The following LRP1B variants were observed in gnomAD, a reference collection of about 807,000 sequenced individuals.
The protein encoded by LRP1B is low-density lipoprotein receptor-related protein 1B.
Under a neutral mutation model 556.6 loss-of-function variants are expected in LRP1B, and 217 were observed. The observed-to-expected ratio is 0.39, with a 90% confidence interval of 0.35 to 0.44. LRP1B has a LOEUF of 0.44. LRP1B is among the 20% of genes least tolerant of loss of function. The pLI is 1.00. For missense variants in LRP1B, 5,053 were observed against 5,620.8 expected, an observed-to-expected ratio of 0.90 and a Z score of 3.23; for synonymous variants, 2,047 against 1,865.8, an observed-to-expected ratio of 1.10 and a Z score of -2.50.
chr2:140,945,582 A>G lies in LRP1B; in HGVS notation c.3136+4653T>C, dbSNP rs537602834. 6.6e-5 allele frequency among the ~76,000 whole-genome samples: 10 copies of G among 152,294 alleles called. No homozygotes were observed. In the South Asian group the frequency reaches 2.1e-3, roughly 32 times the overall value. ...CACCTACAGCTGACTGATCTTCAACAAAGTCAACAAAAATAAGCAATGAGG... is the reference window on the plus strand; with the variant it reads ...CACCTACAGCTGACTGATCTTCAACGAAGTCAACAAAAATAAGCAATGAGG... On this transcript the variant is annotated intron_variant, in intron 20 of 90. Transcript: ENST00000389484.
At chr2:142,026,110 TA>T (rs905016991) in intron 1 of LRP1B, among the ~76,000 whole-genome samples, 4 of 151,986 alleles carry the variant, frequency 2.6e-5, no homozygotes, top group South Asian at 2.1e-4. Context: ...AAATCCTGTC[TA>T]AAAAAAACCC....
chr2:140,330,602 C>A (rs1680756849), intron 79 of LRP1B, among the ~76,000 whole-genome samples: 1 of 152,002 alleles, frequency 6.6e-6, no homozygotes, highest in Non-Finnish European at 1.5e-5. Flanking sequence ...AAATGTAAAA[C>A]CCAAATCTAT....
intron 1 of LRP1B, among the ~76,000 whole-genome samples, chr2:141,974,075 A>C (rs1000180835): frequency 6.6e-6 from 1 of 152,004 alleles, no homozygotes; most frequent in Non-Finnish European, 1.5e-5. Context: ...TTGAGAGCCC[A>C]TCCCATAGAC....
chr2:141,525,082 G>A (rs1684652195), intron 2 of LRP1B, among the ~76,000 whole-genome samples: 1 of 151,874 alleles, frequency 6.6e-6, no homozygotes, highest in Non-Finnish European at 1.5e-5. Context: ...TACATTGCAT[G>A]TTTAAGTGTT....
At chr2:141,951,331 A>G (rs1701100212) in intron 1 of LRP1B, among the ~76,000 whole-genome samples, 2 of 152,050 alleles carry the variant, frequency 1.3e-5, no homozygotes, top group Admixed American at 6.6e-5. Flanking sequence ...TATCCCTCAC[A>G]TTCCTCCCAA....
At chr2:142,064,522 C>T (rs1159929377) in intron 1 of LRP1B, among the ~76,000 whole-genome samples, 2 of 151,424 alleles carry the variant, frequency 1.3e-5, no homozygotes, top group Non-Finnish European at 3.0e-5. Context: ...TCCAGCACTG[C>T]CAGGAAAAGG....
At chr2:140,782,366 T>C (rs2104965362) in intron 32 of LRP1B, among the ~76,000 whole-genome samples, 1 of 152,308 alleles carries the variant, frequency 6.6e-6, no homozygotes, top group Non-Finnish European at 1.5e-5. Context: ...GGACGGATCT[T>C]AATCCAGTGT....
intron 2 of LRP1B, among the ~76,000 whole-genome samples, chr2:141,539,595 G>A (rs1685182410): frequency 6.6e-6 from 1 of 152,090 alleles, no homozygotes; most frequent in African/African-American, 2.4e-5. Flanking sequence ...ATTCAAGGAT[G>A]TACAACAGTT....
intron 3 of LRP1B, among the ~76,000 whole-genome samples, chr2:141,332,590 C>T (rs1427373905): frequency 1.3e-5 from 2 of 151,920 alleles, no homozygotes; most frequent in Non-Finnish European, 2.9e-5. Flanking sequence ...AATGTTCTCA[C>T]TGTTCTGGGT....
chr2:141,837,189 T>C (rs1009592768), intron 1 of LRP1B, among the ~76,000 whole-genome samples: 3 of 151,962 alleles, frequency 2.0e-5, no homozygotes, highest in African/African-American at 7.2e-5. Context: ...CAGGGAAAGA[T>C]AGTACAGTTC....
intron 1 of LRP1B, among the ~76,000 whole-genome samples, chr2:141,887,432 A>G (rs1471444327): frequency 6.6e-6 from 1 of 152,156 alleles, no homozygotes; most frequent in East Asian, 1.9e-4. Flanking sequence ...CTTGTGTCTC[A>G]GGGCTTTTCC....
intron 2 of LRP1B, among the ~76,000 whole-genome samples, chr2:141,533,952 T>C (rs1684980013): frequency 6.6e-6 from 1 of 152,148 alleles, no homozygotes. Flanking sequence ...ATTTAACACA[T>C]TATACCTGAA....
At chr2:141,830,100 A>T (rs1436291793) in intron 1 of LRP1B, among the ~76,000 whole-genome samples, 1 of 151,976 alleles carries the variant, frequency 6.6e-6, no homozygotes. Flanking sequence ...TATTTTACTT[A>T]TATCTCATTC....
chr2:141,901,481 A>C (rs1172977560), intron 1 of LRP1B, among the ~76,000 whole-genome samples: 1 of 151,994 alleles, frequency 6.6e-6, no homozygotes, highest in Admixed American at 6.6e-5. Flanking sequence ...ACAATTTCTC[A>C]TGGATAATTT....
chr2:140,254,476 T>C (rs565021401), intron 86 of LRP1B, among the ~76,000 whole-genome samples: 1 of 152,282 alleles, frequency 6.6e-6, no homozygotes, highest in Non-Finnish European at 1.5e-5. Context: ...TGATCAGATA[T>C]CTGGTACTTC....
At chr2:142,111,878 G>A (rs1241733180) in intron 1 of LRP1B, among the ~76,000 whole-genome samples, 1 of 151,956 alleles carries the variant, frequency 6.6e-6, no homozygotes, top group African/African-American at 2.4e-5. Context: ...AAAGAATAAT[G>A]TATACTAGGT....
At chr2:141,916,423 G>C (rs4644966) in intron 1 of LRP1B, among the ~76,000 whole-genome samples, 145,822 of 151,694 alleles carry the variant, frequency 0.96, 70,359 homozygotes, top group East Asian at 1. Context: ...GGAGTGCAGC[G>C]GCACAATCTC....
chr2:141,638,943 G>A (rs1269869799), intron 2 of LRP1B, among the ~76,000 whole-genome samples: 4 of 36,024 alleles, frequency 1.1e-4, no homozygotes, highest in South Asian at 9.2e-4. Context: ...ATACACACAC[G>A]CACATACACA....
At chr2:141,565,886 T>C (rs974161998) in intron 2 of LRP1B, among the ~76,000 whole-genome samples, 24 of 152,184 alleles carry the variant, frequency 1.6e-4, no homozygotes, top group Non-Finnish European at 2.8e-4. Context: ...ATTGAAAATA[T>C]AACTAACATT....
Sources: allele counts gnomAD v4.1 joint callset (sites outside exome capture counted in the v4.1 genomes callset), GRCh38; gene constraint gnomAD v4.1.1; transcripts MANE v1.5; gene names NCBI Gene and HGNC (gene_info 2026-07-23, HGNC 2026-07-21).